The following PPFIA2 variants were observed in gnomAD, a reference collection of about 807,000 sequenced individuals.
PPFIA2 encodes the protein PPFI scaffold protein A2, also known as liprin-alpha-2.
In PPFIA2, 46 loss-of-function variants were observed where a neutral mutation model predicts 175.5. The ratio of observed to expected loss-of-function variants is 0.26; its 90% confidence interval spans 0.21 to 0.34. The LOEUF is 0.34. PPFIA2 is among the 10% of genes least tolerant of loss of function. PPFIA2 has a pLI of 1.00. For missense variants in PPFIA2, 1,179 were observed against 1,506.1 expected (o/e 0.78, Z 3.60); for synonymous variants, 568 against 511.4 (o/e 1.11, Z -1.49).
At chr12:81,406,378 G>T (rs2042936108) in intron 7 of PPFIA2, among the ~76,000 whole-genome samples, 1 of 151,974 alleles carries the variant, frequency 6.6e-6, no homozygotes, top group Non-Finnish European at 1.5e-5. Flanking sequence ...TTTAATATAA[G>T]CAGACACACA....
intron 4 of PPFIA2, among the ~76,000 whole-genome samples, chr12:81,662,402 A>G (rs886283919): frequency 2.6e-5 from 4 of 152,210 alleles, no homozygotes; most frequent in Non-Finnish European, 4.4e-5. Flanking sequence ...ACAAACTACC[A>G]TCAGAGAATA....
intron 4 of PPFIA2, among the ~76,000 whole-genome samples, chr12:81,511,171 TTGG>T (rs1424004765): frequency 1.3e-5 from 2 of 152,064 alleles, no homozygotes; most frequent in African/African-American, 4.8e-5. Context: ...CTGAAAAATA[TTGG>T]GTCAATTTTG....
intron 3 of PPFIA2, among the ~76,000 whole-genome samples, chr12:81,736,443 T>C (rs2081586102): frequency 6.6e-6 from 1 of 152,044 alleles, no homozygotes; most frequent in Admixed American, 6.6e-5. Flanking sequence ...TTGGGTTTAT[T>C]TGTGGACATA....
intron 22 of PPFIA2, among the ~76,000 whole-genome samples, chr12:81,303,747 C>G (rs888353920): frequency 6.6e-6 from 1 of 152,028 alleles, no homozygotes. Flanking sequence ...AAGACAGGAG[C>G]AAACAAAGGG....
At chr12:81,360,120 C>A (rs893473272) in intron 15 of PPFIA2, among the ~76,000 whole-genome samples, 15 of 151,884 alleles carry the variant, frequency 9.9e-5, no homozygotes, top group African/African-American at 3.6e-4. Flanking sequence ...CCTTCTAGCT[C>A]CTAGTATTCT....
At chr12:81,266,728 A>G (rs894577499) in intron 30 of PPFIA2, among the ~76,000 whole-genome samples, 1 of 152,198 alleles carries the variant, frequency 6.6e-6, no homozygotes, top group Non-Finnish European at 1.5e-5. Context: ...ATTACTGTTT[A>G]GTATCTCTAC....
intron 3 of PPFIA2, among the ~76,000 whole-genome samples, chr12:81,691,838 A>C (rs944191989): frequency 2.0e-5 from 3 of 152,148 alleles, no homozygotes; most frequent in African/African-American, 7.2e-5. Flanking sequence ...AAGAGAAAGA[A>C]GAAAAAGATA....
intron 4 of PPFIA2, among the ~76,000 whole-genome samples, chr12:81,482,049 G>GAAAC (rs2058295375): frequency 6.7e-6 from 1 of 150,284 alleles, no homozygotes; most frequent in Non-Finnish European, 1.5e-5. Context: ...TAACAAGAAA[G>GAAAC]AAACAACCCC....
At position 81,440,007 on chromosome 12, in the gene PPFIA2, C is replaced by T. The variant is rs2049870989; in HGVS notation, c.610G>A (p.Ala204Thr). 4 of 1,602,512 alleles carry T rather than the reference C, an allele frequency of 2.5e-6. No individual in the cohort carries two copies. The highest frequency in any genetic ancestry group is 3.4e-6 in the Non-Finnish European group (4 of 1,175,886). The change falls in exon 7 of 33, where the codon GCA (alanine) becomes ACA (threonine). Residue 204 changes from alanine to threonine, a missense_variant. Around this residue, in one of 10 missense-constraint regions of PPFIA2, gnomAD observed 49 missense variants for 108.9 expected, o/e 0.45. Transcript: ENST00000549396. ...RLRVSLERVS[A>T]LEEELAAANQ... ...GCAGCAGCTAGTTCTTCTTCCAGTG[C>T]AGAGACTCTTTCTAAAGAAACCCTC...
intron 15 of PPFIA2, among the ~76,000 whole-genome samples, chr12:81,361,004 T>TCC (rs2029910412): frequency 6.6e-6 from 1 of 151,702 alleles, no homozygotes; most frequent in African/African-American, 2.4e-5. Context: ...CAGCTTGTAA[T>TCC]TATCTGTGAG....
At chr12:81,289,427 A>T (rs1327287906) in intron 24 of PPFIA2, among the ~76,000 whole-genome samples, 2 of 151,896 alleles carry the variant, frequency 1.3e-5, no homozygotes, top group African/African-American at 4.8e-5. Flanking sequence ...TGTTTAATTC[A>T]TCAACTTAAA....
chr12:81,612,608 G>C (rs2153471265), intron 4 of PPFIA2, among the ~76,000 whole-genome samples: 1 of 152,220 alleles, frequency 6.6e-6, no homozygotes, highest in Non-Finnish European at 1.5e-5. Flanking sequence ...ACATTTTTTA[G>C]ACTCCACTGG....
chr12:81,537,916 G>C (rs1336871545), intron 4 of PPFIA2, among the ~76,000 whole-genome samples: 1 of 151,674 alleles, frequency 6.6e-6, no homozygotes, highest in East Asian at 1.9e-4. Context: ...CAATCTTTTG[G>C]GGTTAAATAT....
intron 21 of PPFIA2, among the ~76,000 whole-genome samples, chr12:81,332,938 G>T (rs1314384183): frequency 1.3e-5 from 2 of 152,122 alleles, no homozygotes; most frequent in Non-Finnish European, 2.9e-5. Context: ...CTTAAAAGCA[G>T]AAATTTATTT....
intron 3 of PPFIA2, among the ~76,000 whole-genome samples, chr12:81,708,386 A>T (rs1043877420): frequency 2.0e-5 from 3 of 152,132 alleles, no homozygotes; most frequent in Non-Finnish European, 4.4e-5. Context: ...TCATCCACCA[A>T]TTATTGTAAA....
chr12:81,541,551 T>C (rs941468305), intron 4 of PPFIA2, among the ~76,000 whole-genome samples: 19 of 152,114 alleles, frequency 1.2e-4, no homozygotes, highest in Admixed American at 2.0e-4. Context: ...TATGCCAATT[T>C]GGAAAATGCG....
intron 4 of PPFIA2, among the ~76,000 whole-genome samples, chr12:81,581,055 T>C (rs2074328879): frequency 6.6e-6 from 1 of 151,274 alleles, no homozygotes; most frequent in Non-Finnish European, 1.5e-5. Flanking sequence ...GAAGAAACAG[T>C]GAGATTTTAG....
chr12:81,551,229 A>C (rs1162684300), intron 4 of PPFIA2, among the ~76,000 whole-genome samples: 1 of 151,970 alleles, frequency 6.6e-6, no homozygotes, highest in Non-Finnish European at 1.5e-5. Flanking sequence ...AATGAATGAA[A>C]AGATGAATGG....
chr12:81,594,443 C>T (rs1465494617), intron 4 of PPFIA2, among the ~76,000 whole-genome samples: 1 of 151,938 alleles, frequency 6.6e-6, no homozygotes, highest in Non-Finnish European at 1.5e-5. Flanking sequence ...TTCTATGGGC[C>T]CAGGAGATAA....
Sources: gnomAD v4.1 joint callset for allele counts (sites outside exome capture counted in the v4.1 genomes callset) on GRCh38, gnomAD v4.1.1 for gene constraint, gnomAD v4.1.1 regional missense constraint, MANE v1.5 for transcripts, NCBI Gene and HGNC (gene_info 2026-07-23, HGNC 2026-07-21) for gene names.